Variants in SMPD3 observed in about 807,000 individuals in gnomAD.
The protein encoded by SMPD3 is nSMase-2.
A neutral mutation model predicts 55.7 loss-of-function variants in SMPD3; 21 were observed. The ratio of observed to expected loss-of-function variants is 0.38; its 90% CI spans 0.27 to 0.54. The LOEUF (loss-of-function observed/expected upper bound fraction) is 0.54. SMPD3 is among the 20% of genes least tolerant of loss of function. The pLI, the probability that SMPD3 is intolerant of heterozygous loss-of-function variation, is 0.80. For synonymous variants in SMPD3, 457 were observed against 404.3 expected, an observed-to-expected ratio of 1.13 and a Z score of -1.56; for missense variants, 842 against 899.6, an observed-to-expected ratio of 0.94 and a Z score of 0.82.
chr16:68,398,306 A>C (rs1048531610), intron 1 of SMPD3, among the ~76,000 whole-genome samples: 2 of 152,224 alleles, frequency 1.3e-5, no homozygotes, highest in Non-Finnish European at 2.9e-5. Flanking sequence ...TGTAGTTCTC[A>C]AATAACCTTA....
Position 68,403,142 on chromosome 16 carries a change from T to G in SMPD3, c.-268-16483A>C, listed in dbSNP as rs541031584. The stretch of plus-strand genomic sequence containing the variant: ...GGTCCCTGTTTCAAATATCACCCCC[T>G]TGGGATAGCTTTCCCTGACCATCCC... On this transcript the variant is annotated intron_variant, in intron 1 of 8. Coordinates refer to ENST00000219334, the MANE Select transcript of SMPD3 (RefSeq NM_018667.4). Among the ~76,000 whole-genome samples, 3 of 152,366 alleles carry G rather than the reference T, an allele frequency of 2.0e-5. No individual in the cohort carries two copies. In the South Asian group the frequency reaches 6.2e-4, roughly 32 times the overall value.
intron 2 of SMPD3, among the ~76,000 whole-genome samples, chr16:68,384,857 C>A (rs1175578563): frequency 6.6e-6 from 1 of 152,136 alleles, no homozygotes; most frequent in African/African-American, 2.4e-5. Flanking sequence ...GCAGCCCTGC[C>A]CCCTGCTGAC....
intron 1 of SMPD3, among the ~76,000 whole-genome samples, chr16:68,435,665 G>A (rs932615392): frequency 3.3e-5 from 5 of 152,224 alleles, no homozygotes; most frequent in African/African-American, 1.2e-4. Context: ...AGGCCAAGAA[G>A]GGCCTCATCT....
At chr16:68,364,085 G>C (rs550906444) in intron 5 of SMPD3, among the ~76,000 whole-genome samples, 1 of 152,320 alleles carries the variant, frequency 6.6e-6, no homozygotes, top group Admixed American at 6.5e-5. Context: ...CACACGCCCT[G>C]ATCTTCAGCA....
intron 1 of SMPD3, among the ~76,000 whole-genome samples, chr16:68,436,883 A>G (rs561431765): frequency 6.6e-6 from 1 of 152,314 alleles, no homozygotes; most frequent in Non-Finnish European, 1.5e-5. Flanking sequence ...AGCTTCTGAA[A>G]TACACCAGCC....
At chr16:68,413,950 C>T (rs2090320940) in intron 1 of SMPD3, among the ~76,000 whole-genome samples, 2 of 152,216 alleles carry the variant, frequency 1.3e-5, no homozygotes, top group Admixed American at 6.5e-5. Flanking sequence ...AACCTTCTCA[C>T]CATCCTAGCT....
At chr16:68,377,629 T>C (rs1474720458) in intron 2 of SMPD3, among the ~76,000 whole-genome samples, 1 of 152,116 alleles carries the variant, frequency 6.6e-6, no homozygotes, top group Non-Finnish European at 1.5e-5. Flanking sequence ...CGGAGGGTGA[T>C]CCCAGGAATA....
chr16:68,367,280 T>C (rs932518181), intron 3 of SMPD3: 4 of 152,446 alleles, frequency 2.6e-5, no homozygotes, highest in Admixed American at 1.3e-4. Flanking sequence ...TGGCGACGCA[T>C]GGACATTACT....
intron 1 of SMPD3, among the ~76,000 whole-genome samples, chr16:68,425,825 G>A (rs2090432146): frequency 6.6e-6 from 1 of 152,154 alleles, no homozygotes; most frequent in African/African-American, 2.4e-5. Flanking sequence ...AGAGGGAGAG[G>A]TGTGCCACCC....
chr16:68,378,736 G>A (rs1269369177), intron 2 of SMPD3, among the ~76,000 whole-genome samples: 3 of 152,162 alleles, frequency 2.0e-5, no homozygotes, highest in African/African-American at 4.8e-5. Context: ...TCCTGACCTG[G>A]AAGGTCACAC....
At chr16:68,395,532 C>T (rs2090148058) in intron 1 of SMPD3, among the ~76,000 whole-genome samples, 1 of 152,216 alleles carries the variant, frequency 6.6e-6, no homozygotes, top group South Asian at 2.1e-4. Flanking sequence ...AGTCCCATAG[C>T]CGTCATGTCC....
At chr16:68,405,752 C>T (rs990195908) in intron 1 of SMPD3, among the ~76,000 whole-genome samples, 6 of 151,920 alleles carry the variant, frequency 3.9e-5, no homozygotes, top group South Asian at 2.1e-4. Context: ...AAGAAATGCC[C>T]GCCTGGCCAC....
intron 1 of SMPD3, among the ~76,000 whole-genome samples, chr16:68,420,328 C>A (rs1425783403): frequency 2.0e-5 from 3 of 152,146 alleles, no homozygotes; most frequent in Non-Finnish European, 1.5e-5. Context: ...GAAAAAGGTA[C>A]AATTGTTATT....
intron 1 of SMPD3, among the ~76,000 whole-genome samples, chr16:68,438,718 G>A (rs1417358199): frequency 6.6e-6 from 1 of 152,094 alleles, no homozygotes; most frequent in Non-Finnish European, 1.5e-5. Context: ...TCACCCCTCA[G>A]AGATTATCCA....
At chr16:68,375,339 G>A (rs775712316) in intron 2 of SMPD3, among the ~76,000 whole-genome samples, 1 of 144,516 alleles carries the variant, frequency 6.9e-6, no homozygotes, top group Admixed American at 6.8e-5. Context: ...AGCAGGAAGG[G>A]CTGTGCAGGC....
chr16:68,372,906 G>C (rs1461423829), intron 2 of SMPD3, among the ~76,000 whole-genome samples: 3 of 152,214 alleles, frequency 2.0e-5, no homozygotes, highest in African/African-American at 7.2e-5. Context: ...AGGGGCCAGA[G>C]ACTCCTGGAG....
At chr16:68,446,520 C>G (rs1037352416) in intron 1 of SMPD3, among the ~76,000 whole-genome samples, 3 of 145,946 alleles carry the variant, frequency 2.1e-5, no homozygotes, top group Non-Finnish European at 4.5e-5. Flanking sequence ...CACACACACA[C>G]AGCCCGAAGC....
chr16:68,361,128 G>A lies in SMPD3; in HGVS notation c.*78C>T. On this transcript the variant is annotated 3_prime_UTR_variant, in exon 9 of 9. Transcript: ENST00000219334. ...CCTGCCCTCCTCCCCCAAGCACCGG[G>A]CACTCGATGGAGGGGACATGGCCCA... The A allele has an allele frequency of 9.0e-6, 12 of 1,330,776 alleles. No homozygotes were observed. Among genetic ancestry groups the A allele is most frequent in the Non-Finnish European group, 1.3e-5 (12 of 948,732 alleles). The allele number at this position is 1,330,776 out of a possible 1,614,324, so 82.4% of individuals were successfully genotyped here.
chr16:68,371,367 C>T lies in SMPD3; in HGVS notation c.815G>A (p.Gly272Asp). Residue 272 changes from glycine (G) to aspartate (D), a missense_variant, in exon 3 of 9, where the codon GGC becomes GAC. This residue lies in a region of SMPD3 where 649 missense variants were observed against 643.6 expected (regional missense o/e 1.01). Coordinates refer to ENST00000219334, the MANE Select transcript of SMPD3 (RefSeq NM_018667.4). The stretch of plus-strand genomic sequence containing the variant: ...GGGCGTCTGGCCCCTTGGGCCCCCG[C>T]CAGCTCCGTTCCTGGCCTGGCCCCC... ...VPGGQARNGA[G>D]GGPRGQTPNH... The T allele has an allele frequency of 1.3e-6, 2 of 1,575,006 alleles. No individual in the cohort carries two copies. The highest frequency in any genetic ancestry group is 8.6e-7 in the Non-Finnish European group (1 of 1,169,580).
Sources: allele counts gnomAD v4.1 joint callset (sites outside exome capture counted in the v4.1 genomes callset), GRCh38; gene constraint gnomAD v4.1.1; regional missense constraint gnomAD v4.1.1; transcripts MANE v1.5; gene names NCBI Gene and HGNC (gene_info 2026-07-23, HGNC 2026-07-21).